CA12: variants seen among roughly 807,000 people sequenced by gnomAD.
The protein encoded by CA12 is carbonic anhydrase 12.
CA12 carries 36 observed loss-of-function variants against 46.8 expected under a neutral mutation model. The observed-to-expected ratio is 0.77, with a 90% CI of 0.59 to 1.02. The LOEUF (loss-of-function observed/expected upper bound fraction) is 1.02, where lower values mean the gene tolerates loss of function less well. Ranked by LOEUF, CA12 falls within the 50% of genes least tolerant of loss-of-function variation. CA12 has a pLI of 0.00. For missense variants in CA12, 436 were observed against 451.4 expected (o/e 0.97, Z 0.31); for synonymous variants, 202 against 187.0 (o/e 1.08, Z -0.65).
At chr15:63,352,425 GA>G (rs2039244583) in intron 2 of CA12, among the ~76,000 whole-genome samples, 1 of 152,242 alleles carries the variant, frequency 6.6e-6, no homozygotes, top group South Asian at 2.1e-4. Context: ...ACCAGAGAAG[GA>G]AGGTTGGAGA....
Position 63,331,767 on chromosome 15 carries a change from T to A in CA12, c.875-3637A>T, listed in dbSNP as rs1210765616. On this transcript the variant is annotated intron_variant, in intron 8 of 10. Coordinates refer to ENST00000178638, the MANE Select transcript of CA12 (RefSeq NM_001218.5). The surrounding 1 kb of genome is among the most constrained non-coding windows in gnomAD (Gnocchi z 5.3). ...TTGCCACAAGGGCCTTGCTACCTGT[T>A]CTGGCAGGCCCAGGAGCTGCGTCTT... is the stretch of plus-strand genomic sequence containing the variant. 6.6e-6 allele frequency: 1 copy of A among 152,242 alleles called. No homozygotes were observed. The highest frequency in any genetic ancestry group is 2.4e-5 in the African/African-American group (1 of 41,450). The allele number at this position is 152,242 out of a possible 1,614,324, so 9.4% of individuals were successfully genotyped here.
rs1288590138 is a variant in CA12, at chr15:63,328,820, C to T, written c.875-690G>A. On this transcript the variant is annotated intron_variant, in intron 8 of 10. Coordinates refer to ENST00000178638, the MANE Select transcript of CA12 (RefSeq NM_001218.5). The surrounding 1 kb of genome is among the most constrained non-coding windows in gnomAD (Gnocchi z 5.9). Reference sequence around the variant, plus strand: ...GGTTCAAGCAATTCTCATGCCTCAGCCTCCCGAGCAGCTGGGACTGCAGGC... The same window carrying T: ...GGTTCAAGCAATTCTCATGCCTCAGTCTCCCGAGCAGCTGGGACTGCAGGC... Among the ~76,000 whole-genome samples, 1 of 152,164 alleles carries T rather than the reference C, an allele frequency of 6.6e-6. No individual in the cohort carries two copies. The highest frequency in any genetic ancestry group is 1.5e-5 in the Non-Finnish European group (1 of 68,024).
chr15:63,344,899 G>A (rs547906209), intron 4 of CA12, among the ~76,000 whole-genome samples: 21 of 152,238 alleles, frequency 1.4e-4, no homozygotes, highest in East Asian at 3.9e-4. Flanking sequence ...ACACGATGCT[G>A]TGCTGGCTGA....
Position 63,355,795 on chromosome 15 carries a change from C to G in CA12, c.107-9086G>C, listed in dbSNP as rs2039287906. Among the ~76,000 whole-genome samples the G allele has an allele frequency of 1.3e-5, 2 of 152,168 alleles. No homozygotes were observed. Among genetic ancestry groups the G allele is most frequent in the Admixed American group, 1.3e-4 (2 of 15,280 alleles). Reference sequence around the variant, plus strand: ...TTATCCTCCTTCATCTTCCTTGGCCCATTCATGTGAGGAATCGTGCTAGAT... The same window carrying G: ...TTATCCTCCTTCATCTTCCTTGGCCGATTCATGTGAGGAATCGTGCTAGAT... On this transcript the variant is annotated intron_variant, in intron 2 of 10. Transcript: ENST00000178638. The surrounding 1 kb of genome is among the most constrained non-coding windows in gnomAD (Gnocchi z 4.1).
intron 8 of CA12, 151 bp downstream of exon 8, chr15:63,338,668 T>A: frequency 1.0e-6 from 1 of 986,384 alleles, no homozygotes; most frequent in Non-Finnish European, 1.6e-6. Flanking sequence ...GCCCCACACC[T>A]AGTCTCACAA....
intron 2 of CA12, among the ~76,000 whole-genome samples, chr15:63,360,470 C>A (rs1038234310): frequency 3.9e-5 from 6 of 152,190 alleles, no homozygotes; most frequent in Non-Finnish European, 8.8e-5. Context: ...TGGAACAAAA[C>A]CTGTCTAGTG....
At position 63,348,773 on chromosome 15, in the gene CA12, G is replaced by A. The variant is rs541060927; in HGVS notation, c.107-2064C>T. 2.0e-5 allele frequency among the ~76,000 whole-genome samples: 3 copies of A among 152,338 alleles called. No individual in the cohort carries two copies. In the South Asian group the frequency reaches 6.2e-4, roughly 32 times the overall value. On this transcript the variant is annotated intron_variant, in intron 2 of 10. Coordinates refer to ENST00000178638, the MANE Select transcript of CA12 (RefSeq NM_001218.5). This position sits in a 1 kb window ranked among gnomAD's most constrained non-coding sequence, Gnocchi z 4.6. ...GCTAAACGAGAGCCTCGTGAAGATAGGGACCCCTCATCTTCGTCTCTGTGA... is the reference window on the plus strand; with the variant it reads ...GCTAAACGAGAGCCTCGTGAAGATAAGGACCCCTCATCTTCGTCTCTGTGA...
Position 63,371,987 on chromosome 15 carries a change from C to T in CA12, c.106+3671G>A, listed in dbSNP as rs182692377. Among the ~76,000 whole-genome samples, 104 of 152,178 alleles carry T rather than the reference C, an allele frequency of 6.8e-4. No individual in the cohort carries two copies. The Middle Eastern group carries it at 0.024, about 35-fold the overall frequency. On this transcript the variant is annotated intron_variant, in intron 2 of 10. Transcript: ENST00000178638. The stretch of plus-strand genomic sequence containing the variant: ...CTTTTATTGAATATGAAATATATAC[C>T]GAAAAGTGTGTAGACCATAAGCAAA...
intron 2 of CA12, among the ~76,000 whole-genome samples, chr15:63,359,994 TCA>T (rs1226610462): frequency 1.3e-5 from 2 of 152,220 alleles, no homozygotes; most frequent in East Asian, 3.8e-4. Context: ...ACAATCCCAC[TCA>T]CTTCTCCAGG....
Position 63,322,531 on chromosome 15 carries a change from A to AG in CA12, c.*3753dup, listed in dbSNP as rs2038803877. The AG allele has an allele frequency of 6.6e-6, 1 of 152,006 alleles. No individual in the cohort carries two copies. Among genetic ancestry groups the AG allele is most frequent in the African/African-American group, 2.4e-5 (1 of 41,358 alleles). 9.4% of individuals were successfully genotyped at this position (152,006 alleles called of 1,614,324 possible). A position where few individuals can be genotyped will look rare whatever the true frequency, so the allele number is the denominator to read the frequency against. On this transcript the variant is annotated 3_prime_UTR_variant, in exon 11 of 11. Coordinates refer to ENST00000178638, the MANE Select transcript of CA12 (RefSeq NM_001218.5). The surrounding 1 kb of genome is among the most constrained non-coding windows in gnomAD (Gnocchi z 4.1). Reference sequence around the variant, plus strand: ...TGGTTGATTTGGCTGGATTGAGATGAGGTGATGGCCATCCTAAAGGAGGGC... The same window carrying AG: ...TGGTTGATTTGGCTGGATTGAGATGAGGGTGATGGCCATCCTAAAGGAGGGC...
chr15:63,380,114 A>G (rs2039626217), intron 1 of CA12, among the ~76,000 whole-genome samples: 1 of 152,220 alleles, frequency 6.6e-6, no homozygotes, highest in South Asian at 2.1e-4. Context: ...TAAAAACCCA[A>G]GGAAACTGCA....
chr15:63,358,385 T>C (rs941598150), intron 2 of CA12, among the ~76,000 whole-genome samples: 1 of 152,198 alleles, frequency 6.6e-6, no homozygotes, highest in African/African-American at 2.4e-5. Flanking sequence ...CACAGGGTGA[T>C]GTAGCAATGT....
rs1216232371 is a variant in CA12, at chr15:63,329,996, G to A, written c.875-1866C>T. ...GTCTGGCTTCCCCAGGTGGCACCGG[G>A]CTGCTGTGAGGGTTAGCAGAGCAGG... On this transcript the variant is annotated intron_variant, in intron 8 of 10. Transcript: ENST00000178638. The surrounding 1 kb of genome is among the most constrained non-coding windows in gnomAD (Gnocchi z 4.8). Among the ~76,000 whole-genome samples, 4 of 152,214 alleles carry A rather than the reference G, an allele frequency of 2.6e-5. No homozygotes were observed. The highest frequency in any genetic ancestry group is 1.9e-4 in the East Asian group (1 of 5,190).
Position 63,378,337 on chromosome 15 carries a change from G to C in CA12, c.86-2659C>G, listed in dbSNP as rs558678592. On this transcript the variant is annotated intron_variant, in intron 1 of 10. Coordinates refer to ENST00000178638, the MANE Select transcript of CA12 (RefSeq NM_001218.5). The surrounding 1 kb of genome is among the most constrained non-coding windows in gnomAD (Gnocchi z 4.8). ...CGGGAGGCGGAGGTTGCAGTGAGCT[G>C]AGATTGTGCCATTGCACTCCAGAAT... Among the ~76,000 whole-genome samples the C allele has an allele frequency of 6.6e-6, 1 of 152,124 alleles. No homozygotes were observed. Among genetic ancestry groups the C allele is most frequent in the Non-Finnish European group, 1.5e-5 (1 of 68,028 alleles).
chr15:63,329,205 C>G lies in CA12; in HGVS notation c.875-1075G>C, dbSNP rs759178331. Among the ~76,000 whole-genome samples the G allele has an allele frequency of 6.6e-6, 1 of 152,192 alleles. No individual in the cohort carries two copies. Among genetic ancestry groups the G allele is most frequent in the Admixed American group, 6.5e-5 (1 of 15,288 alleles). On this transcript the variant is annotated intron_variant, in intron 8 of 10. Transcript: ENST00000178638. This position sits in a 1 kb window ranked among gnomAD's most constrained non-coding sequence, Gnocchi z 4.8. ...TTTTGCTTTGTCCCTCCTGGACAAA[C>G]GCCTTCACCACATCAGCCCCACTTC...
At chr15:63,376,419 TAC>T (rs1474991396) in intron 1 of CA12, among the ~76,000 whole-genome samples, 1 of 152,192 alleles carries the variant, frequency 6.6e-6, no homozygotes, top group African/African-American at 2.4e-5. Flanking sequence ...ATGGCATGGC[TAC>T]ACACACATAT....
rs557582864 is a variant in CA12, at chr15:63,377,035, G to A, written c.86-1357C>T. On this transcript the variant is annotated intron_variant, in intron 1 of 10. Transcript: ENST00000178638. ...TGTGTAGGCAAAGTTCTGCCAGAAA[G>A]AGAACAAAAGTCACCCACTACTTCG... is the stretch of plus-strand genomic sequence containing the variant. Among the ~76,000 whole-genome samples, 27 of 152,246 alleles carry A rather than the reference G, an allele frequency of 1.8e-4. No homozygotes were observed. In the South Asian group the frequency reaches 4.6e-3, roughly 26 times the overall value.
At position 63,323,411 on chromosome 15, in the gene CA12, A is replaced by C. The variant is rs577303688; in HGVS notation, c.*2874T>G. 6.6e-6 allele frequency: 1 copy of C among 152,420 alleles called. No individual in the cohort carries two copies. The highest frequency in any genetic ancestry group is 2.4e-5 in the African/African-American group (1 of 41,560). 9.4% of individuals were successfully genotyped at this position (152,420 alleles called of 1,614,324 possible). The stretch of plus-strand genomic sequence containing the variant: ...TTTCCTTTGGAGCCAGGTTCTAAGA[A>C]GTGGATGCGAGTGACATTATTATTC... On this transcript the variant is annotated 3_prime_UTR_variant, in exon 11 of 11. Transcript: ENST00000178638. The surrounding 1 kb of genome is among the most constrained non-coding windows in gnomAD (Gnocchi z 5.1).
In CA12 at chr15:63,380,799, C is replaced by A. The variant is rs117928634; in HGVS notation, c.85+837G>T. Among the ~76,000 whole-genome samples, 617 of 152,252 alleles carry A rather than the reference C, an allele frequency of 4.1e-3. 1 individual carries two copies. The highest frequency in any genetic ancestry group is 8.9e-3 in the South Asian group (43 of 4,824). On this transcript the variant is annotated intron_variant, in intron 1 of 10. Transcript: ENST00000178638. Reference sequence around the variant, plus strand: ...TCGCCAGGAAGAATCTAGTTTCAGCCAGTAAAATCACTTTCGGTCCAAAAT... The same window carrying A: ...TCGCCAGGAAGAATCTAGTTTCAGCAAGTAAAATCACTTTCGGTCCAAAAT...
Sources: allele counts gnomAD v4.1 joint callset (sites outside exome capture counted in the v4.1 genomes callset), GRCh38; gene constraint gnomAD v4.1.1; non-coding constraint Gnocchi (gnomAD v3.1); transcripts MANE v1.5; gene names NCBI Gene and HGNC (gene_info 2026-07-23, HGNC 2026-07-21).